The following NHS variants were observed in gnomAD, a reference collection of about 807,000 sequenced individuals.
The protein encoded by NHS is actin remodeling regulator NHS.
NHS carries 5 observed loss-of-function variants against 72.5 expected under a neutral mutation model. That is an observed-to-expected ratio of 0.07 (90% CI 0.04 to 0.14). The LOEUF (loss-of-function observed/expected upper bound fraction) is 0.14, where lower values mean the gene tolerates loss of function less well. NHS is among the 10% of genes least tolerant of loss of function. The probability of loss-of-function intolerance (pLI) is 1.00; values close to 1 mark genes in which losing one functional copy is unlikely to be tolerated. For missense variants in NHS, 1,072 were observed against 1,355.7 expected, an observed-to-expected ratio of 0.79 and a Z score of 3.29; for synonymous variants, 464 against 547.7, an observed-to-expected ratio of 0.85 and a Z score of 2.13.
At chrX:17,436,721 T>C (rs759970600) in intron 1 of NHS, among the ~76,000 whole-genome samples, 58 of 109,683 alleles carry the variant, frequency 5.3e-4, no homozygotes, top group Non-Finnish European at 3.6e-4. Flanking sequence ...TTTTCAGATA[T>C]GTGAGTGTAA....
chrX:17,586,068 G>C (rs1290058217), intron 1 of NHS: 1 of 110,980 alleles, frequency 9.0e-6, no homozygotes, highest in Non-Finnish European at 1.9e-5. Context: ...CAGTGGTAGA[G>C]TCAGAGCACC....
intron 1 of NHS, among the ~76,000 whole-genome samples, chrX:17,644,756 T>A (rs1272806796): frequency 9.0e-6 from 1 of 111,255 alleles, no homozygotes; most frequent in Non-Finnish European, 1.9e-5. Flanking sequence ...AGCACTATTA[T>A]CTATGTTATG....
intron 1 of NHS, among the ~76,000 whole-genome samples, chrX:17,549,061 G>C (rs1195148612): frequency 9.8e-6 from 1 of 102,351 alleles, no homozygotes; most frequent in Non-Finnish European, 2.0e-5. Flanking sequence ...CAAAGAGGGT[G>C]GGGGTGGAGA....
At chrX:17,581,478 C>T (rs1462017168) in intron 1 of NHS, among the ~76,000 whole-genome samples, 1 of 111,430 alleles carries the variant, frequency 9.0e-6, no homozygotes, top group East Asian at 2.8e-4. Flanking sequence ...TTGGGACCAC[C>T]AGCCATGAAG....
At chrX:17,662,186 G>T (rs767391525) in intron 1 of NHS, among the ~76,000 whole-genome samples, 1 of 112,159 alleles carries the variant, frequency 8.9e-6, no homozygotes, top group South Asian at 3.7e-4. Flanking sequence ...GGCCACTGTG[G>T]GCACACACAG....
At chrX:17,531,573 C>G (rs1455280856) in intron 1 of NHS, among the ~76,000 whole-genome samples, 1 of 112,906 alleles carries the variant, frequency 8.9e-6, no homozygotes, top group Admixed American at 9.3e-5. Flanking sequence ...ATTCCCCCCT[C>G]CTCCTCTGCC....
At chrX:17,648,432 C>T (rs533975865) in intron 1 of NHS, among the ~76,000 whole-genome samples, 14 of 112,254 alleles carry the variant, frequency 1.2e-4, no homozygotes, top group Non-Finnish European at 2.4e-4. Flanking sequence ...TCACTTCCAC[C>T]GCATTCTTCT....
Position 17,731,907 on chromosome X carries a change from C to G in NHS, c.4399C>G (p.Arg1467Gly), listed in dbSNP as rs1028050823. The change falls in exon 9 of 9, where the codon CGA becomes GGA. Residue 1467 changes from arginine (R) to glycine (G), a missense_variant. Arg to Gly is a moderately radical substitution (Grantham distance 125, BLOSUM62 -2). Transcript: ENST00000676302. ...AAAAGATTCCGGGGACATGTCTGTT[C>G]GAAGCAAATCGAGAGCTCCCCTCAG... Reference protein sequence around the residue: ...GRKDSGDMSVRSKSRAPLSSS... With the variant: ...GRKDSGDMSVGSKSRAPLSSS... 8.3e-7 allele frequency: 1 copy of G among 1,209,396 alleles called. No individual in the cohort carries two copies. Among genetic ancestry groups the G allele is most frequent in the Middle Eastern group, 2.3e-4 (1 of 4,345 alleles).
intron 1 of NHS, among the ~76,000 whole-genome samples, chrX:17,523,814 G>A (rs1387670808): frequency 8.9e-6 from 1 of 111,871 alleles, no homozygotes; most frequent in Non-Finnish European, 1.9e-5. Context: ...AAACCTGCAG[G>A]AAGAAAATGT....
chrX:17,418,325 G>A (rs181149823), intron 1 of NHS, among the ~76,000 whole-genome samples: 1 of 111,656 alleles, frequency 9.0e-6, no homozygotes, highest in African/African-American at 3.2e-5. Context: ...TTTTACTATT[G>A]CTTACTTAAA....
chrX:17,608,634 G>C (rs1331872812), intron 1 of NHS, among the ~76,000 whole-genome samples: 2 of 110,666 alleles, frequency 1.8e-5, no homozygotes, highest in Non-Finnish European at 3.8e-5. Context: ...AGCCTGCTTT[G>C]TGTGGCTATA....
At chrX:17,586,394 C>G (rs1333572000) in intron 1 of NHS, 3 of 112,027 alleles carry the variant, frequency 2.7e-5, no homozygotes, top group Non-Finnish European at 3.8e-5. Context: ...CATGTAAAAG[C>G]TGCTCAAACA....
intron 1 of NHS, among the ~76,000 whole-genome samples, chrX:17,409,797 T>C (rs903421598): frequency 8.9e-6 from 1 of 111,748 alleles, no homozygotes; most frequent in Non-Finnish European, 1.9e-5. Context: ...AAGAAGTAGG[T>C]GAAACAATCT....
At chrX:17,698,969 A>T (rs1478889737) in intron 3 of NHS, among the ~76,000 whole-genome samples, 1 of 111,430 alleles carries the variant, frequency 9.0e-6, no homozygotes, top group Non-Finnish European at 1.9e-5. Context: ...GTTAGAGAAA[A>T]CCCCATTTAC....
rs948951519 is a variant in NHS at position 17,440,396 on chromosome X, G to C, written c.565+64074G>C. Among the ~76,000 whole-genome samples, 70 of 111,266 alleles carry C rather than the reference G, an allele frequency of 6.3e-4. 1 individual carries two copies. Among genetic ancestry groups the C allele is most frequent in the African/African-American group, 2.3e-3 (70 of 30,546 alleles). On this transcript the variant is annotated intron_variant, in intron 1 of 8. Coordinates refer to ENST00000676302, the MANE Select transcript of NHS (RefSeq NM_001291867.2). ...GATACACCTAAAGATGGACTCACTG[G>C]GTTGAAGGCCATGTATGTCTTTGGC...
chrX:17,453,515 A>G (rs1207216797), intron 1 of NHS, among the ~76,000 whole-genome samples: 1 of 111,953 alleles, frequency 8.9e-6, no homozygotes, highest in Non-Finnish European at 1.9e-5. Context: ...TGATGGTATA[A>G]GACTCACTAC....
At chrX:17,548,296 G>A (rs1198236293) in intron 1 of NHS, among the ~76,000 whole-genome samples, 2 of 110,745 alleles carry the variant, frequency 1.8e-5, no homozygotes, top group Non-Finnish European at 3.8e-5. Flanking sequence ...TAGATTTGAC[G>A]AATGAGTTTT....
intron 1 of NHS, among the ~76,000 whole-genome samples, chrX:17,655,592 G>A (rs1458617104): frequency 8.9e-6 from 1 of 112,737 alleles, no homozygotes; most frequent in African/African-American, 3.2e-5. Context: ...TACTCGCAGA[G>A]CCAGGCGGCT....
At chrX:17,730,219 T>C (rs1005135370) in intron 8 of NHS, among the ~76,000 whole-genome samples, 1 of 112,238 alleles carries the variant, frequency 8.9e-6, no homozygotes, top group Non-Finnish European at 1.9e-5. Flanking sequence ...CAAATGCTAG[T>C]GTATGGAATA....
Sources: allele counts gnomAD v4.1 joint callset (sites outside exome capture counted in the v4.1 genomes callset), GRCh38; gene constraint gnomAD v4.1.1; transcripts MANE v1.5; gene names NCBI Gene and HGNC (gene_info 2026-07-23, HGNC 2026-07-21).